The following LURAP1 variants were observed in gnomAD, a reference collection of about 807,000 sequenced individuals.
The protein encoded by LURAP1 is leucine rich adaptor protein 1, also known as NF-kappa-B activator C1orf190.
In LURAP1, 14 loss-of-function variants were observed where a neutral mutation model predicts 19.0. The ratio of observed to expected loss-of-function variants is 0.74; its 90% CI spans 0.49 to 1.15. The LOEUF is 1.15. Among genes scored for constraint, LURAP1 ranks in the 50% most tolerant of loss-of-function variants. The pLI, the probability that LURAP1 is intolerant of heterozygous loss-of-function variation, is 0.00. For missense variants in LURAP1, 273 were observed against 309.1 expected (o/e 0.88, Z 0.87); for synonymous variants, 129 against 131.8 (o/e 0.98, Z 0.14).
rs958086754 is a variant in LURAP1, at chr1:46,203,534, G to A, written c.108G>A (p.Glu36=). Reference sequence around the variant, plus strand: ...TCCGCGGGCTGCGAGGCGAGTGTGAGCTGGGAACCTCTGGCGCCCTGCTGC... The same window carrying A: ...TCCGCGGGCTGCGAGGCGAGTGTGAACTGGGAACCTCTGGCGCCCTGCTGC... The part of the protein sequence containing the change: ...GLLRGLRGEC[E]LGTSGALLLP... Residue 36 remains glutamate (E), a synonymous_variant, in exon 1 of 2, where the codon GAG becomes GAA. Coordinates refer to ENST00000371980, the MANE Select transcript of LURAP1 (RefSeq NM_001013615.3). The A allele has an allele frequency of 1.9e-6, 3 of 1,568,352 alleles. No homozygotes were observed. Among genetic ancestry groups the A allele is most frequent in the East Asian group, 2.3e-5 (1 of 42,616 alleles).
At chr1:46,214,337 TTC>T (rs1002131362) in intron 1 of LURAP1, among the ~76,000 whole-genome samples, 2 of 148,700 alleles carry the variant, frequency 1.3e-5, no homozygotes, top group Non-Finnish European at 3.0e-5. Flanking sequence ...CAGAATGACA[TTC>T]TGTCTCAAAA....
intron 1 of LURAP1, among the ~76,000 whole-genome samples, chr1:46,212,309 C>A (rs900446826): frequency 6.8e-6 from 1 of 147,136 alleles, no homozygotes; most frequent in African/African-American, 2.5e-5. Context: ...GAGACGGAGT[C>A]TTGCTATGTC....
intron 1 of LURAP1, among the ~76,000 whole-genome samples, chr1:46,208,302 A>C (rs766764871): frequency 6.6e-6 from 1 of 152,122 alleles, no homozygotes; most frequent in Non-Finnish European, 1.5e-5. Context: ...AACCACACTG[A>C]ATTTTAAGTG....
chr1:46,214,495 A>C (rs55707872), intron 1 of LURAP1, among the ~76,000 whole-genome samples: 36,253 of 152,240 alleles, frequency 0.24, 4,896 homozygotes, highest in Non-Finnish European at 0.31. Context: ...AGGTGTAAAA[A>C]GGTAAACATT....
chr1:46,209,662 G>T (rs146984179), intron 1 of LURAP1, among the ~76,000 whole-genome samples: 1 of 148,870 alleles, frequency 6.7e-6, no homozygotes, highest in Non-Finnish European at 1.5e-5. Context: ...ACATGCACCC[G>T]CCACCACACA....
chr1:46,219,367 A>G (rs970091734), intron 1 of LURAP1, among the ~76,000 whole-genome samples: 5 of 152,112 alleles, frequency 3.3e-5, no homozygotes, highest in African/African-American at 7.2e-5. Context: ...AATACTTAAC[A>G]TTTACTGAGA....
chr1:46,205,797 C>A (rs1308953690), intron 1 of LURAP1, among the ~76,000 whole-genome samples: 1 of 152,212 alleles, frequency 6.6e-6, no homozygotes, highest in Admixed American at 6.5e-5. Flanking sequence ...TTAATCTCTT[C>A]TTGTGCTCTG....
chr1:46,220,897 C>T lies in LURAP1; in HGVS notation c.*677C>T, dbSNP rs936515741. 1.3e-5 allele frequency: 2 copies of T among 152,228 alleles called. No homozygotes were observed. Among genetic ancestry groups the T allele is most frequent in the African/African-American group, 4.8e-5 (2 of 41,438 alleles). The allele number at this position is 152,228 out of a possible 1,614,324, so 9.4% of individuals were successfully genotyped here. ...AATTACTTCACCCAAAGTCTAGAAG[C>T]CTTGGCCTCTCTCTTGGCCAAGATG... On this transcript the variant is annotated 3_prime_UTR_variant, in exon 2 of 2. Transcript: ENST00000371980.
At position 46,203,517 on chromosome 1, in the gene LURAP1, C is replaced by A; in HGVS notation, c.91C>A (p.Leu31Met). ...RKTPEGLLRG[L>M]RGECELGTSG... ...GACCCCTGAAGGGCTGCTCCGCGGG[C>A]TGCGAGGCGAGTGTGAGCTGGGAAC... Residue 31 changes from leucine to methionine, a missense_variant, in exon 1 of 2, where the codon CTG becomes ATG. Transcript: ENST00000371980. 6.4e-7 allele frequency: 1 copy of A among 1,561,652 alleles called. No homozygotes were observed. The highest frequency in any genetic ancestry group is 8.7e-7 in the Non-Finnish European group (1 of 1,155,766).
At chr1:46,215,092 G>T (rs1286570978) in intron 1 of LURAP1, among the ~76,000 whole-genome samples, 2 of 151,898 alleles carry the variant, frequency 1.3e-5, no homozygotes, top group African/African-American at 4.8e-5. Flanking sequence ...CGGGTGTGGT[G>T]GTGGGCACCT....
chr1:46,215,678 C>G (rs1659042237), intron 1 of LURAP1, among the ~76,000 whole-genome samples: 1 of 152,182 alleles, frequency 6.6e-6, no homozygotes, highest in Non-Finnish European at 1.5e-5. Context: ...ATGGGCAGAT[C>G]CCTTGAGCTC....
chr1:46,209,429 G>C (rs1164520534), intron 1 of LURAP1, among the ~76,000 whole-genome samples: 1 of 152,126 alleles, frequency 6.6e-6, no homozygotes, highest in Non-Finnish European at 1.5e-5. Flanking sequence ...AGGGCTGGTT[G>C]AATGTTTAAA....
At chr1:46,209,486 C>G (rs1557683939) in intron 1 of LURAP1, among the ~76,000 whole-genome samples, 1 of 151,788 alleles carries the variant, frequency 6.6e-6, no homozygotes, top group African/African-American at 2.4e-5. Context: ...CAGGTGCCAC[C>G]TAATTCTTTA....
chr1:46,208,568 C>T (rs565270230), intron 1 of LURAP1, among the ~76,000 whole-genome samples: 1 of 152,262 alleles, frequency 6.6e-6, no homozygotes, highest in African/African-American at 2.4e-5. Flanking sequence ...TGAGGGCCGG[C>T]ACGGTGGCTC....
At chr1:46,219,306 A>G (rs1659159266) in intron 1 of LURAP1, among the ~76,000 whole-genome samples, 1 of 152,146 alleles carries the variant, frequency 6.6e-6, no homozygotes, top group Non-Finnish European at 1.5e-5. Context: ...AAAAAAAAAA[A>G]AAAAGAAGTA....
chr1:46,204,520 G>C (rs1658652885), intron 1 of LURAP1, among the ~76,000 whole-genome samples: 1 of 144,284 alleles, frequency 6.9e-6, no homozygotes, highest in East Asian at 1.9e-4. Flanking sequence ...CAGTGAGTAC[G>C]TCAGCTAAAG....
intron 1 of LURAP1, among the ~76,000 whole-genome samples, chr1:46,218,117 A>G (rs1659122344): frequency 6.6e-6 from 1 of 152,162 alleles, no homozygotes; most frequent in East Asian, 1.9e-4. Flanking sequence ...TAGAAATAAA[A>G]CTGGGCTGGG....
At chr1:46,208,151 C>A (rs934450687) in intron 1 of LURAP1, among the ~76,000 whole-genome samples, 4 of 152,038 alleles carry the variant, frequency 2.6e-5, no homozygotes, top group Non-Finnish European at 5.9e-5. Context: ...TGAGCCACCC[C>A]ACCAGCCTTA....
Position 46,203,556 on chromosome 1 carries a change from C to T in LURAP1, c.130C>T (p.Leu44=). ...ECELGTSGAL[L]LPGASSTGHD... ...TGAGCTGGGAACCTCTGGCGCCCTGCTGCTCCCAGGGGCGTCTAGCACCGG... is the reference window on the plus strand; with the variant it reads ...TGAGCTGGGAACCTCTGGCGCCCTGTTGCTCCCAGGGGCGTCTAGCACCGG... Residue 44 remains leucine (L), a synonymous_variant, in exon 1 of 2, where the codon CTG becomes TTG. Coordinates refer to ENST00000371980, the MANE Select transcript of LURAP1 (RefSeq NM_001013615.3). 1 of 1,569,146 alleles carries T rather than the reference C, an allele frequency of 6.4e-7. No homozygotes were observed. The highest frequency in any genetic ancestry group is 8.6e-7 in the Non-Finnish European group (1 of 1,161,090).
Sources: gnomAD v4.1 joint callset for allele counts (sites outside exome capture counted in the v4.1 genomes callset) on GRCh38, gnomAD v4.1.1 for gene constraint, MANE v1.5 for transcripts, NCBI Gene and HGNC (gene_info 2026-07-23, HGNC 2026-07-21) for gene names.